ANKRD44: variants seen among roughly 807,000 people sequenced by gnomAD.
ANKRD44 encodes ankyrin repeat domain 44.
In ANKRD44, 35 loss-of-function variants were observed where a neutral mutation model predicts 116.0. That is an observed-to-expected ratio of 0.30 (90% confidence interval 0.23 to 0.40). The LOEUF (loss-of-function observed/expected upper bound fraction) is 0.40. Ranked by LOEUF, ANKRD44 falls within the 10% of genes least tolerant of loss-of-function variation. ANKRD44 has a pLI of 1.00. For synonymous variants in ANKRD44, 435 were observed against 461.8 expected, an observed-to-expected ratio of 0.94 and a Z score of 0.74; for missense variants, 1,014 against 1,242.6, an observed-to-expected ratio of 0.82 and a Z score of 2.77.
chr2:196,968,822 CTT>C (rs142070018), intron 21 of ANKRD44, among the ~76,000 whole-genome samples: 248 of 152,296 alleles, frequency 1.6e-3, no homozygotes, highest in African/African-American at 5.9e-3. Flanking sequence ...TTACTATTGT[CTT>C]TCCATTTTGA....
At chr2:196,985,317 A>T (rs2075829354), downstream of ANKRD44, among the ~76,000 whole-genome samples, 1 of 152,216 alleles carries the variant, frequency 6.6e-6, no homozygotes, top group Non-Finnish European at 1.5e-5. Flanking sequence ...GTGGGTTAGG[A>T]AACATTTGTT....
intron 21 of ANKRD44, among the ~76,000 whole-genome samples, chr2:196,971,849 G>A (rs893084904): frequency 6.6e-6 from 1 of 152,178 alleles, no homozygotes; most frequent in Admixed American, 6.5e-5. Context: ...TCCAATTGTA[G>A]TCTGTGACCC....
chr2:197,090,494 CTT>C (rs372830692), intron 10 of ANKRD44, among the ~76,000 whole-genome samples: 62 of 138,094 alleles, frequency 4.5e-4, no homozygotes, highest in African/African-American at 5.4e-4. Flanking sequence ...TTTCTTTTCA[CTT>C]TTTTTTTTTT....
At chr2:197,090,971 C>T (rs2078029632) in intron 10 of ANKRD44, among the ~76,000 whole-genome samples, 1 of 152,204 alleles carries the variant, frequency 6.6e-6, no homozygotes, top group Admixed American at 6.5e-5. Flanking sequence ...TACCATCCTT[C>T]AATTTGTTCA....
chr2:197,216,689 A>C (rs1305900278), intron 1 of ANKRD44, among the ~76,000 whole-genome samples: 1 of 152,168 alleles, frequency 6.6e-6, no homozygotes, highest in Non-Finnish European at 1.5e-5. Flanking sequence ...ACTGGAAGAC[A>C]GTAGACTTTC....
intron 10 of ANKRD44, among the ~76,000 whole-genome samples, chr2:197,091,070 G>A (rs895115294): frequency 2.5e-4 from 38 of 152,230 alleles, no homozygotes; most frequent in Admixed American, 3.3e-4. Flanking sequence ...CTTTGCCCTC[G>A]CTGGCGGAGG....
chr2:197,008,735 T>C (rs1019062229), intron 19 of ANKRD44, among the ~76,000 whole-genome samples: 6 of 152,168 alleles, frequency 3.9e-5, no homozygotes, highest in Non-Finnish European at 7.4e-5. Flanking sequence ...GGTGATCCTT[T>C]CATCAAGACA....
At chr2:197,097,390 A>C (rs1326587343) in intron 10 of ANKRD44, among the ~76,000 whole-genome samples, 1 of 152,204 alleles carries the variant, frequency 6.6e-6, no homozygotes, top group Non-Finnish European at 1.5e-5. Context: ...AACACTGAGC[A>C]TTTATTATCT....
intron 9 of ANKRD44, among the ~76,000 whole-genome samples, chr2:197,101,944 T>C (rs995755711): frequency 1.3e-5 from 2 of 152,194 alleles, no homozygotes; most frequent in Non-Finnish European, 2.9e-5. Context: ...AAAAGTCATA[T>C]TTTTGAAAAG....
intron 1 of ANKRD44, chr2:197,251,116 A>C (rs193138375): frequency 6.6e-6 from 1 of 152,300 alleles, no homozygotes; most frequent in Admixed American, 6.5e-5. Context: ...AACCATAACA[A>C]AGATGTTTAT....
At chr2:197,003,453 T>G (rs2076149534) in intron 21 of ANKRD44, among the ~76,000 whole-genome samples, 1 of 152,162 alleles carries the variant, frequency 6.6e-6, no homozygotes, top group Non-Finnish European at 1.5e-5. Flanking sequence ...TAGCATTCCT[T>G]AAGTGGGGAC....
chr2:197,258,669 T>G (rs2082518933), intron 1 of ANKRD44, among the ~76,000 whole-genome samples: 1 of 152,050 alleles, frequency 6.6e-6, no homozygotes, highest in African/African-American at 2.4e-5. Flanking sequence ...CACCACACGG[T>G]TTTTCATGGC....
intron 1 of ANKRD44, among the ~76,000 whole-genome samples, chr2:197,229,112 T>C (rs1183312647): frequency 2.0e-5 from 3 of 152,212 alleles, no homozygotes; most frequent in African/African-American, 7.2e-5. Flanking sequence ...CTGATCCTAC[T>C]GATGTGTTCA....
At chr2:197,116,930 G>T (rs775801758) in intron 8 of ANKRD44, among the ~76,000 whole-genome samples, 1 of 152,078 alleles carries the variant, frequency 6.6e-6, no homozygotes, top group Non-Finnish European at 1.5e-5. Context: ...CTTTCTTAAT[G>T]AACATCAATA....
intron 16 of ANKRD44, among the ~76,000 whole-genome samples, chr2:197,072,079 GAAGGAAGGAAGGAAGGAAGGAA>G (rs2077572889): frequency 1.3e-5 from 2 of 150,648 alleles, no homozygotes; most frequent in African/African-American, 4.9e-5. Flanking sequence ...AGGAAGGAAG[GAAGGAAGGAAGGAAGGAAGGAA>G]AAGGAAGAAA....
chr2:197,181,143 T>C (rs531797060), intron 2 of ANKRD44, among the ~76,000 whole-genome samples: 1 of 152,328 alleles, frequency 6.6e-6, no homozygotes, highest in African/African-American at 2.4e-5. Flanking sequence ...ATTTTGGAAC[T>C]GGAGAGAGTA....
chr2:197,290,724 T>C (rs1027135344), intron 1 of ANKRD44, among the ~76,000 whole-genome samples: 2 of 152,204 alleles, frequency 1.3e-5, no homozygotes, highest in Non-Finnish European at 2.9e-5. Flanking sequence ...AATCCAGAAA[T>C]TTATTTAACT....
intron 1 of ANKRD44, among the ~76,000 whole-genome samples, chr2:197,248,769 A>G (rs1297428509): frequency 1.3e-5 from 2 of 151,884 alleles, no homozygotes; most frequent in African/African-American, 4.8e-5. Context: ...GAGGGGGAGG[A>G]AGTCAAAGCA....
intron 2 of ANKRD44, among the ~76,000 whole-genome samples, chr2:197,153,965 T>C (rs1018849475): frequency 3.4e-4 from 51 of 152,210 alleles, no homozygotes; most frequent in African/African-American, 1.2e-3. Context: ...CCTTTGTACA[T>C]GTCTGTCTGT....
Sources: gnomAD v4.1 joint callset for allele counts (sites outside exome capture counted in the v4.1 genomes callset) on GRCh38, gnomAD v4.1.1 for gene constraint, MANE v1.5 for transcripts, NCBI Gene and HGNC (gene_info 2026-07-23, HGNC 2026-07-21) for gene names.